NALCN: variants seen among roughly 807,000 people sequenced by gnomAD.
NALCN encodes the protein sodium leak channel, non-selective, also known as sodium leak channel NALCN.
NALCN carries 111 observed loss-of-function variants against 225.3 expected under a neutral mutation model. That is an observed-to-expected ratio of 0.49 (90% CI 0.42 to 0.58). NALCN has a LOEUF of 0.58. Among genes scored for constraint, NALCN ranks in the 20% least tolerant of loss-of-function variants. The pLI, the probability that NALCN is intolerant of heterozygous loss-of-function variation, is 0.00. For synonymous variants in NALCN, 764 were observed against 769.0 expected (o/e 0.99, Z 0.11); for missense variants, 1,378 against 2,202.4 (o/e 0.63, Z 7.49).
intron 7 of NALCN, among the ~76,000 whole-genome samples, chr13:101,332,688 C>T (rs147339998): frequency 2.0e-5 from 3 of 152,232 alleles, no homozygotes; most frequent in East Asian, 1.9e-4. Flanking sequence ...AAAATAAAAA[C>T]GTAATTCTCT....
At chr13:101,090,381 A>G (rs2034167695) in intron 28 of NALCN, among the ~76,000 whole-genome samples, 1 of 152,212 alleles carries the variant, frequency 6.6e-6, no homozygotes, top group South Asian at 2.1e-4. Context: ...GGATTTTGAA[A>G]TAGTTTTGTA....
chr13:101,345,254 A>G lies in NALCN; in HGVS notation c.799+12T>C. The G allele has an allele frequency of 6.2e-7, 1 of 1,609,822 alleles. No homozygotes were observed. The highest frequency in any genetic ancestry group is 1.1e-5 in the South Asian group (1 of 90,678). On this transcript the variant is annotated intron_variant, in intron 7 of 43. Transcript: ENST00000251127. ...ATAGAAACTTAAAACGTATTTTACC[A>G]GTAAGACAGACCTATCTCATTAAAG...
chr13:101,317,875 C>CT (rs911009977), intron 7 of NALCN, among the ~76,000 whole-genome samples: 4 of 152,098 alleles, frequency 2.6e-5, no homozygotes, highest in African/African-American at 4.8e-5. Flanking sequence ...GATTATTCCA[C>CT]TTTTTTTTAA....
intron 7 of NALCN, among the ~76,000 whole-genome samples, chr13:101,303,320 G>T (rs1408696102): frequency 2.0e-5 from 3 of 152,096 alleles, no homozygotes; most frequent in East Asian, 1.9e-4. Flanking sequence ...CTTACATGTG[G>T]TCTAGTCTGC....
chr13:101,203,184 C>T (rs1444936981), intron 13 of NALCN, among the ~76,000 whole-genome samples: 1 of 152,122 alleles, frequency 6.6e-6, no homozygotes, highest in African/African-American at 2.4e-5. Flanking sequence ...GGAAAAGCAA[C>T]TTCTATCACA....
At position 101,399,023 on chromosome 13, in the gene NALCN, T is replaced by A; in HGVS notation, c.104A>T (p.Lys35Ile). Residue 35 changes from lysine (K) to isoleucine (I), a missense_variant, in exon 2 of 44, where the codon AAA (lysine) becomes ATA (isoleucine). This residue lies in a region of NALCN where 146 missense variants were observed against 205.9 expected (regional missense o/e 0.71). Coordinates refer to ENST00000251127, the MANE Select transcript of NALCN (RefSeq NM_052867.4). ...ATACTCAAAGAAGAAACTTACTGGT[T>A]TGTTAATCCAGAGGATGTCAGCATT... is the stretch of plus-strand genomic sequence containing the variant. ...SDNADILWIN[K>I]PWVHSLLRIC... 2 of 1,563,862 alleles carry A rather than the reference T, an allele frequency of 1.3e-6. No homozygotes were observed. Among genetic ancestry groups the A allele is most frequent in the Non-Finnish European group, 1.8e-6 (2 of 1,134,400 alleles).
intron 11 of NALCN, among the ~76,000 whole-genome samples, chr13:101,238,407 G>A (rs55850704): frequency 0.24 from 35,817 of 151,600 alleles, 4,508 homozygotes; most frequent in East Asian, 0.36. Flanking sequence ...GAGAAATTGA[G>A]ATTTCATACC....
chr13:101,293,001 A>T (rs1167422550), intron 7 of NALCN, among the ~76,000 whole-genome samples: 3 of 152,238 alleles, frequency 2.0e-5, no homozygotes, highest in Non-Finnish European at 4.4e-5. Flanking sequence ...AAATATGTGG[A>T]TAGATTTTTT....
chr13:101,126,975 T>C (rs1478846005), intron 17 of NALCN, among the ~76,000 whole-genome samples: 8 of 152,172 alleles, frequency 5.3e-5, no homozygotes. Context: ...ACAGAGGTCC[T>C]GTGACAGTGA....
chr13:101,063,483 C>T lies in NALCN; in HGVS notation c.4605-1365G>A, dbSNP rs151266752. Among the ~76,000 whole-genome samples the T allele has an allele frequency of 9.2e-5, 14 of 152,262 alleles. No homozygotes were observed. The East Asian group carries it at 2.5e-3, about 27-fold the overall frequency. ...GATACATCGGTGTGTTCCAAAGAGG[C>T]TGAATATTAATTATTAATGACAACA... On this transcript the variant is annotated intron_variant, in intron 40 of 43. Transcript: ENST00000251127.
rs561059834 is a variant in NALCN, at chr13:101,143,372, C to T, written c.1977-151G>A. On this transcript the variant is annotated intron_variant, in intron 16 of 43. Transcript: ENST00000251127. The stretch of plus-strand genomic sequence containing the variant: ...CATGACTAAAATATTTCATTAGCAA[C>T]AGCTTCCTGAAACTCAGTGACTCCT... 4.3e-5 allele frequency: 31 copies of T among 723,022 alleles called. No homozygotes were observed. In the East Asian group the frequency reaches 8.7e-4, roughly 20 times the overall value. The allele number at this position is 723,022 out of a possible 1,614,324, so 44.8% of individuals were successfully genotyped here.
At chr13:101,227,276 A>C (rs2041180289) in intron 13 of NALCN, among the ~76,000 whole-genome samples, 1 of 151,950 alleles carries the variant, frequency 6.6e-6, no homozygotes, top group Non-Finnish European at 1.5e-5. Context: ...CCCATCTGCA[A>C]CCTCACTAGC....
intron 30 of NALCN, 114 bp from the exon 31 acceptor site, chr13:101,083,918 G>C: frequency 2.2e-6 from 2 of 893,536 alleles, no homozygotes; most frequent in Non-Finnish European, 3.2e-6. Flanking sequence ...CACTGACCAT[G>C]TTCTTCCAAC....
Position 101,089,928 on chromosome 13 carries a change from T to C in NALCN, c.3308A>G (p.Asn1103Ser), listed in dbSNP as rs776658176. The C allele has an allele frequency of 1.2e-6, 2 of 1,613,988 alleles. No individual in the cohort carries two copies. Among genetic ancestry groups the C allele is most frequent in the South Asian group, 2.2e-5 (2 of 91,082 alleles). The part of the protein sequence containing the change: ...PRNFNFDNVG[N>S]AMLALFEVLS... ...AACTTCAAACAACGCCAGCATAGCG[T>C]TTCCCACATTGTCGAAATTAAAGTT... The change falls in exon 29 of 44, where the codon AAC becomes AGC. Residue 1103 changes from asparagine to serine, a missense_variant. By Grantham distance (46) the Asn-to-Ser change is conservative. Coordinates refer to ENST00000251127, the MANE Select transcript of NALCN (RefSeq NM_052867.4). This position sits in a 1 kb window ranked among gnomAD's most constrained non-coding sequence, Gnocchi z 4.7.
At chr13:101,357,010 T>C (rs901689505) in intron 6 of NALCN, among the ~76,000 whole-genome samples, 1 of 152,186 alleles carries the variant, frequency 6.6e-6, no homozygotes, top group Non-Finnish European at 1.5e-5. Flanking sequence ...AAGCTTTCAA[T>C]AAACTAGGTA....
chr13:101,092,474 C>G (rs1256917081), intron 28 of NALCN, among the ~76,000 whole-genome samples: 1 of 152,234 alleles, frequency 6.6e-6, no homozygotes, highest in East Asian at 1.9e-4. Context: ...GTTGCCTTAA[C>G]TTGTAATACC....
At position 101,075,788 on chromosome 13, in the gene NALCN, G is replaced by C. The variant is rs533989026; in HGVS notation, c.3954+85C>G. 5 of 1,113,446 alleles carry C rather than the reference G, an allele frequency of 4.5e-6. No homozygotes were observed. In the Admixed American group the frequency reaches 1.3e-4, roughly 28 times the overall value. 69.0% of individuals were successfully genotyped at this position (1,113,446 alleles called of 1,614,324 possible). ...TTTGTGATTACATCCCTAAATAACCGAGGTAAGGCTGTAATCAATTAATCA... is the reference window on the plus strand; with the variant it reads ...TTTGTGATTACATCCCTAAATAACCCAGGTAAGGCTGTAATCAATTAATCA... On this transcript the variant is annotated intron_variant, in intron 35 of 43. Coordinates refer to ENST00000251127, the MANE Select transcript of NALCN (RefSeq NM_052867.4).
chr13:101,077,286 TG>T (rs960488381), intron 34 of NALCN, among the ~76,000 whole-genome samples: 1 of 151,912 alleles, frequency 6.6e-6, no homozygotes, highest in Non-Finnish European at 1.5e-5. Context: ...GTACTTAGAG[TG>T]GGGGGCTACT....
intron 17 of NALCN, among the ~76,000 whole-genome samples, chr13:101,139,581 C>A (rs753064387): frequency 6.7e-6 from 1 of 149,842 alleles, no homozygotes; most frequent in Admixed American, 6.6e-5. Context: ...CCTCAATTTG[C>A]ACAATTTGCA....
Sources: allele counts gnomAD v4.1 joint callset (sites outside exome capture counted in the v4.1 genomes callset), GRCh38; gene constraint gnomAD v4.1.1; regional missense constraint gnomAD v4.1.1; non-coding constraint Gnocchi (gnomAD v3.1); transcripts MANE v1.5; gene names NCBI Gene and HGNC (gene_info 2026-07-23, HGNC 2026-07-21).